The following ORC1 variants were observed in gnomAD, a reference collection of about 807,000 sequenced individuals.
The protein encoded by ORC1 is origin recognition complex subunit 1.
In ORC1, 61 loss-of-function variants were observed where a neutral mutation model predicts 98.9. The observed-to-expected ratio is 0.62, with a 90% CI of 0.50 to 0.76. The LOEUF is 0.76. ORC1 is among the 30% of genes least tolerant of loss of function. ORC1 has a pLI of 0.00. For synonymous variants in ORC1, 385 were observed against 406.9 expected, an observed-to-expected ratio of 0.95 and a Z score of 0.65; for missense variants, 979 against 1,072.2, an observed-to-expected ratio of 0.91 and a Z score of 1.21.
Position 52,373,256 on chromosome 1 carries a change from G to A in ORC1, c.2511C>T (p.Ser837=), listed in dbSNP as rs1216718483. ...GCACCCGAAGGAGCAGATCGTTCCT[G>A]CTGGGCTCCACAAGCAGGAGGCGAC... ...GSCRLLLVEP[S]RNDLLLRVRL... Residue 837 remains serine (S), a synonymous_variant, in exon 17 of 17, where the codon AGC becomes AGT. Transcript: ENST00000371568. 6.2e-7 allele frequency: 1 copy of A among 1,614,186 alleles called. No individual in the cohort carries two copies. The highest frequency in any genetic ancestry group is 1.7e-5 in the Admixed American group (1 of 60,028).
chr1:52,398,962 G>A (rs771656144), intron 3 of ORC1, among the ~76,000 whole-genome samples: 13 of 152,176 alleles, frequency 8.5e-5, no homozygotes, highest in African/African-American at 1.9e-4. Flanking sequence ...ATCAAGTGAC[G>A]GGGGACCTTA....
At chr1:52,401,763 G>A (rs1647720334) in intron 2 of ORC1, among the ~76,000 whole-genome samples, 1 of 152,148 alleles carries the variant, frequency 6.6e-6, no homozygotes, top group Non-Finnish European at 1.5e-5. Context: ...CACAACAAAT[G>A]TTTCCCAAGG....
chr1:52,375,560 T>C lies in ORC1; in HGVS notation c.2173A>G (p.Ile725Val), dbSNP rs539320346. Residue 725 changes from isoleucine to valine, a missense_variant, in exon 15 of 17, where the codon ATC becomes GTC. Physicochemically the swap from Ile to Val is conservative, Grantham distance 29 (BLOSUM62 3). Coordinates refer to ENST00000371568, the MANE Select transcript of ORC1 (RefSeq NM_004153.4). ...LSGDARRCLD[I>V]CRRATEICEF... ...CAGATCTCTGTGGCACGCCTGCAGA[T>C]GTCCAGGCACCGTCGTGCATCTCCA... is the stretch of plus-strand genomic sequence containing the variant. 1.2e-6 allele frequency: 2 copies of C among 1,614,178 alleles called. No homozygotes were observed. Among genetic ancestry groups the C allele is most frequent in the African/African-American group, 1.3e-5 (1 of 75,056 alleles).
In ORC1 at chr1:52,402,153, C is replaced by T. The variant is rs1224929934; in HGVS notation, c.71G>A (p.Arg24Gln). Reference sequence around the variant, plus strand: ...CCTATAGGTTTGGTAGTGCAGTTTTCGATCCAACAAGGGCCTGCCAACCCA... The same window carrying T: ...CCTATAGGTTTGGTAGTGCAGTTTTTGATCCAACAAGGGCCTGCCAACCCA... ...YSWVGRPLLD[R>Q]KLHYQTYREM... Residue 24 changes from arginine (R) to glutamine (Q), a missense_variant, in exon 2 of 17, where the codon CGA (arginine) becomes CAA (glutamine). Physicochemically the swap from Arg to Gln is conservative, Grantham distance 43. Coordinates refer to ENST00000371568, the MANE Select transcript of ORC1 (RefSeq NM_004153.4). 3 of 1,613,978 alleles carry T rather than the reference C, an allele frequency of 1.9e-6. No homozygotes were observed. Among genetic ancestry groups the T allele is most frequent in the Middle Eastern group, 1.6e-4 (1 of 6,082 alleles).
chr1:52,395,267 T>A (rs1372778040), intron 5 of ORC1, among the ~76,000 whole-genome samples: 1 of 152,094 alleles, frequency 6.6e-6, no homozygotes, highest in African/African-American at 2.4e-5. Context: ...AATAAAAATA[T>A]ATGTGTGTCT....
upstream of ORC1, chr1:52,408,401 T>A (rs1448529609): frequency 1.2e-6 from 1 of 835,410 alleles, no homozygotes; most frequent in East Asian, 2.5e-5. Context: ...AACTCAGGTC[T>A]CCATATTTTA....
At chr1:52,381,048 T>C (rs1647063251) in intron 14 of ORC1, among the ~76,000 whole-genome samples, 1 of 152,244 alleles carries the variant, frequency 6.6e-6, no homozygotes, top group Admixed American at 6.5e-5. Context: ...TTTTTCTTTC[T>C]TTCTTTCTGC....
chr1:52,409,384 G>T (rs1648086416), upstream of ORC1: 1 of 152,314 alleles, frequency 6.6e-6, no homozygotes, highest in Non-Finnish European at 1.5e-5. Flanking sequence ...GCCAACATGG[G>T]CAGATCACTT....
chr1:52,392,335 A>T (rs898581639), intron 6 of ORC1, among the ~76,000 whole-genome samples: 1 of 152,084 alleles, frequency 6.6e-6, no homozygotes, highest in Non-Finnish European at 1.5e-5. Context: ...TCACTGTGTT[A>T]GCCAGGATGG....
intron 14 of ORC1, among the ~76,000 whole-genome samples, chr1:52,380,865 C>A (rs1009807667): frequency 3.9e-5 from 6 of 152,132 alleles, no homozygotes; most frequent in Admixed American, 3.9e-4. Context: ...TGGAGACAGG[C>A]ACACAATTGG....
upstream of ORC1, among the ~76,000 whole-genome samples, chr1:52,406,216 A>G (rs1557590726): frequency 6.6e-6 from 1 of 151,904 alleles, no homozygotes; most frequent in Non-Finnish European, 1.5e-5. Context: ...CTCGAACTCC[A>G]GACTTCAGGT....
Position 52,383,505 on chromosome 1 carries a change from T to C in ORC1, c.1928A>G (p.Lys643Arg). 1 of 1,613,908 alleles carries C rather than the reference T, an allele frequency of 6.2e-7. No homozygotes were observed. Reference protein sequence around the residue: ...MYNLFDWPTHKEARLVVLAIA... With the variant: ...MYNLFDWPTHREARLVVLAIA... ...TGCCAGGACCACAAGCCGGGCCTCCTTATGAGTGGGCCAGTCAAAGAGATT... is the reference window on the plus strand; with the variant it reads ...TGCCAGGACCACAAGCCGGGCCTCCCTATGAGTGGGCCAGTCAAAGAGATT... The change falls in exon 13 of 17, where the codon AAG (lysine) becomes AGG (arginine). Residue 643 changes from lysine (K) to arginine (R), a missense_variant. By Grantham distance (26) the Lys-to-Arg change is conservative. Coordinates refer to ENST00000371568, the MANE Select transcript of ORC1 (RefSeq NM_004153.4).
chr1:52,407,048 C>T (rs541546272), upstream of ORC1, among the ~76,000 whole-genome samples: 29 of 152,274 alleles, frequency 1.9e-4, no homozygotes, highest in Admixed American at 6.5e-4. Flanking sequence ...GACAGAGTCT[C>T]GCTCTGTTGC....
chr1:52,384,042 G>A, intron 11 of ORC1, 105 bp from the exon 12 acceptor site: 2 of 875,614 alleles, frequency 2.3e-6, no homozygotes, highest in East Asian at 2.5e-5. Context: ...GAGGACTTCG[G>A]TATCCTATAT....
chr1:52,405,290 C>G (rs1469553874), upstream of ORC1, among the ~76,000 whole-genome samples: 2 of 152,288 alleles, frequency 1.3e-5, no homozygotes, highest in South Asian at 4.1e-4. Flanking sequence ...TTATAAATAT[C>G]AGTGCTTCAG....
chr1:52,408,310 C>T, upstream of ORC1: 1 of 590,874 alleles, frequency 1.7e-6, no homozygotes, highest in Non-Finnish European at 3.1e-6. Context: ...AGGTTTTATT[C>T]TAGTTTTACT....
intron 1 of ORC1, among the ~76,000 whole-genome samples, chr1:52,403,571 C>G (rs1466597916): frequency 6.6e-6 from 1 of 152,172 alleles, no homozygotes; most frequent in African/African-American, 2.4e-5. Flanking sequence ...GTGTTACAGA[C>G]AACTAGAATC....
Position 52,403,860 on chromosome 1 carries a change from C to T in ORC1, c.-6+386G>A, listed in dbSNP as rs147737414. ...TTACGTCCGTAAAATGGGGTAATAA[C>T]CTCTGCTCCGCCTTCCCTGTAGTGG... On this transcript the variant is annotated intron_variant, in intron 1 of 16. Transcript: ENST00000371568. Among the ~76,000 whole-genome samples the T allele has an allele frequency of 1.3e-3, 204 of 152,304 alleles. 2 individuals carry two copies. The highest frequency in any genetic ancestry group is 4.9e-3 in the African/African-American group (204 of 41,568).
upstream of ORC1, among the ~76,000 whole-genome samples, chr1:52,405,080 T>C (rs1008404361): frequency 6.6e-6 from 1 of 152,246 alleles, no homozygotes; most frequent in Non-Finnish European, 1.5e-5. Context: ...TAAGGTCATA[T>C]TCTGAAGGCT....
Sources: gnomAD v4.1 joint callset for allele counts (sites outside exome capture counted in the v4.1 genomes callset) on GRCh38, gnomAD v4.1.1 for gene constraint, MANE v1.5 for transcripts, NCBI Gene and HGNC (gene_info 2026-07-23, HGNC 2026-07-21) for gene names.